The following DRC8 variants were observed in gnomAD, a reference collection of about 807,000 sequenced individuals.
DRC8 encodes dynein regulatory complex protein 8.
chr1:245,085,879 T>A, the DRC8 span, among the ~76,000 whole-genome samples: 1 of 152,314 alleles, frequency 6.6e-6, no homozygotes, highest in Admixed American at 6.5e-5. Flanking sequence ...TGTGGCAGGA[T>A]CCATGGGTCA....
the DRC8 span, among the ~76,000 whole-genome samples, chr1:244,972,402 A>G: frequency 1.1e-4 from 16 of 152,240 alleles, no homozygotes; most frequent in Non-Finnish European, 2.1e-4. Context: ...CTGGGTGCCA[A>G]CCACTGTGCT....
chr1:245,087,361 A>G, the DRC8 span: 1 of 1,580,224 alleles, frequency 6.3e-7, no homozygotes, highest in Non-Finnish European at 8.5e-7. Context: ...TGAAAATTAA[A>G]TGTTCTAAAG....
chr1:245,083,755 C>G, the DRC8 span: 1 of 1,535,046 alleles, frequency 6.5e-7, no homozygotes, highest in Non-Finnish European at 8.7e-7. Flanking sequence ...AACAGTTATG[C>G]GAAAGTTATA....
At chr1:245,082,966 C>T in the DRC8 span, among the ~76,000 whole-genome samples, 1 of 152,136 alleles carries the variant, frequency 6.6e-6, no homozygotes, top group Non-Finnish European at 1.5e-5. Flanking sequence ...ACCTCAGCCT[C>T]CCAAAGTGCT....
At chr1:245,071,700 C>T in the DRC8 span, among the ~76,000 whole-genome samples, 1 of 152,126 alleles carries the variant, frequency 6.6e-6, no homozygotes, top group South Asian at 2.1e-4. Context: ...AATATACAAG[C>T]TCATTGATCA....
chr1:245,002,106 T>A, the DRC8 span: 1 of 1,583,596 alleles, frequency 6.3e-7, no homozygotes, highest in African/African-American at 1.3e-5. Flanking sequence ...TCTTCATGTG[T>A]CTCCTTTATG....
At chr1:245,065,195 G>C in the DRC8 span, among the ~76,000 whole-genome samples, 1 of 147,692 alleles carries the variant, frequency 6.8e-6, no homozygotes, top group Non-Finnish European at 1.5e-5. Context: ...CCAAATTACA[G>C]GCGCATGCCA....
chr1:245,025,811 G>A, the DRC8 span, among the ~76,000 whole-genome samples: 924 of 152,270 alleles, frequency 6.1e-3, 7 homozygotes, highest in Non-Finnish European at 0.01. Context: ...TGTTCTTGTG[G>A]TAGTGAATCA....
the DRC8 span, chr1:245,107,081 C>G: frequency 6.6e-6 from 1 of 152,210 alleles, no homozygotes; most frequent in African/African-American, 2.4e-5. Context: ...AAAAGGAATT[C>G]ATATGACATG....
the DRC8 span, among the ~76,000 whole-genome samples, chr1:245,080,208 C>A: frequency 7.2e-5 from 11 of 152,078 alleles, no homozygotes; most frequent in African/African-American, 2.7e-4. Flanking sequence ...GATCTTTGAG[C>A]CTTTTAATAG....
chr1:245,017,305 C>T, the DRC8 span: 14 of 1,605,340 alleles, frequency 8.7e-6, no homozygotes, highest in East Asian at 1.3e-4. Context: ...GACCATGAGT[C>T]GAATAATACA....
chr1:244,971,467 A>G, the DRC8 span, among the ~76,000 whole-genome samples: 2 of 152,220 alleles, frequency 1.3e-5, no homozygotes, highest in African/African-American at 4.8e-5. Flanking sequence ...TTTTCAGTTC[A>G]TGGTATGATT....
At chr1:244,972,218 G>A in the DRC8 span, among the ~76,000 whole-genome samples, 1 of 152,284 alleles carries the variant, frequency 6.6e-6, no homozygotes, top group Admixed American at 6.5e-5. Flanking sequence ...AAAGCTGGAT[G>A]CCATTCATTC....
At chr1:245,083,835 G>T in the DRC8 span, 1 of 1,197,720 alleles carries the variant, frequency 8.3e-7, no homozygotes, top group South Asian at 1.7e-5. Flanking sequence ...CTTGGGGATG[G>T]TTTCTGTTCT....
the DRC8 span, among the ~76,000 whole-genome samples, chr1:245,116,432 A>AG: frequency 2.6e-5 from 4 of 152,214 alleles, no homozygotes; most frequent in South Asian, 8.3e-4. Context: ...TGGCTTGAGG[A>AG]GTCTAGAAAT....
the DRC8 span, among the ~76,000 whole-genome samples, chr1:244,979,954 C>T: frequency 6.8e-6 from 1 of 147,530 alleles, no homozygotes; most frequent in Admixed American, 6.9e-5. Context: ...CCTGTAATCC[C>T]AGCACTTTGG....
chr1:245,051,194 A>T, the DRC8 span, among the ~76,000 whole-genome samples: 1 of 152,044 alleles, frequency 6.6e-6, no homozygotes, highest in African/African-American at 2.4e-5. Flanking sequence ...GTTCAAGACC[A>T]GCCTGGGCAA....
the DRC8 span, among the ~76,000 whole-genome samples, chr1:245,032,216 T>G: frequency 2.0e-5 from 3 of 152,182 alleles, no homozygotes; most frequent in Non-Finnish European, 4.4e-5. Context: ...GAAGATTTGC[T>G]TATAGTAGCA....
chr1:245,059,454 C>T, the DRC8 span: 2 of 1,612,158 alleles, frequency 1.2e-6, no homozygotes, highest in Non-Finnish European at 1.7e-6. Context: ...GATCTGATTG[C>T]AGAGGTGAGT....
Sources: gnomAD v4.1 joint callset for allele counts (sites outside exome capture counted in the v4.1 genomes callset) on GRCh38, gnomAD v4.1.1 for gene constraint, MANE v1.5 for transcripts, NCBI Gene and HGNC (gene_info 2026-07-23, HGNC 2026-07-21) for gene names.